EPHA3: variants seen among roughly 807,000 people sequenced by gnomAD.
The protein encoded by EPHA3 is EPH receptor A3.
A neutral mutation model predicts 107.1 loss-of-function variants in EPHA3; 42 were observed. The ratio of observed to expected loss-of-function variants is 0.39; its 90% CI spans 0.31 to 0.51. EPHA3 has a LOEUF of 0.51. Ranked by LOEUF, EPHA3 falls within the 20% of genes least tolerant of loss-of-function variation. EPHA3 has a pLI of 0.78. For missense variants in EPHA3, 1,183 were observed against 1,211.2 expected (o/e 0.98, Z 0.35); for synonymous variants, 461 against 424.8 (o/e 1.09, Z -1.05).
chr3:89,432,347 A>AT (rs1446194991), intron 13 of EPHA3, among the ~76,000 whole-genome samples: 3 of 152,072 alleles, frequency 2.0e-5, no homozygotes, highest in South Asian at 2.1e-4. Context: ...ATGCATTTGA[A>AT]TTTTTTGTGA....
intron 13 of EPHA3, among the ~76,000 whole-genome samples, chr3:89,445,434 A>G (rs1709860530): frequency 6.6e-6 from 1 of 152,224 alleles, no homozygotes; most frequent in Non-Finnish European, 1.5e-5. Flanking sequence ...TTCTAAGTAT[A>G]TAAGCTCAAT....
intron 16 of EPHA3, among the ~76,000 whole-genome samples, chr3:89,476,861 G>T (rs1324159808): frequency 6.6e-6 from 1 of 151,900 alleles, no homozygotes; most frequent in East Asian, 1.9e-4. Context: ...ACCCGCCTCG[G>T]CCTCCCAAAG....
intron 3 of EPHA3, among the ~76,000 whole-genome samples, chr3:89,249,939 A>C (rs1553671927): frequency 6.6e-6 from 1 of 152,182 alleles, no homozygotes; most frequent in Non-Finnish European, 1.5e-5. Context: ...TAGATACACA[A>C]TTAATATCTT....
chr3:89,132,027 A>T (rs2106989057), intron 2 of EPHA3, among the ~76,000 whole-genome samples: 1 of 152,270 alleles, frequency 6.6e-6, no homozygotes, highest in Admixed American at 6.5e-5. Context: ...TGTTGCAGGG[A>T]TTGGTTGAAG....
At chr3:89,160,942 G>T (rs574910523) in intron 2 of EPHA3, among the ~76,000 whole-genome samples, 1 of 152,138 alleles carries the variant, frequency 6.6e-6, no homozygotes, top group South Asian at 2.1e-4. Context: ...GCTTATGTTG[G>T]TTATGTGTGT....
intron 13 of EPHA3, among the ~76,000 whole-genome samples, chr3:89,433,948 A>C (rs1454391445): frequency 6.6e-6 from 1 of 152,176 alleles, no homozygotes; most frequent in African/African-American, 2.4e-5. Context: ...GTGATACTTA[A>C]CAGTCTTAGG....
intron 15 of EPHA3, among the ~76,000 whole-genome samples, chr3:89,453,294 G>A (rs1364185734): frequency 6.6e-6 from 1 of 151,684 alleles, no homozygotes; most frequent in Admixed American, 6.6e-5. Context: ...TAATGTAGGG[G>A]TATCTAATAC....
intron 3 of EPHA3, among the ~76,000 whole-genome samples, chr3:89,274,798 A>T (rs1164842458): frequency 6.6e-6 from 1 of 151,980 alleles, no homozygotes; most frequent in East Asian, 1.9e-4. Context: ...TAACCAAAAA[A>T]TTTTAAGAAG....
At chr3:89,175,372 C>T (rs1186813956) in intron 2 of EPHA3, among the ~76,000 whole-genome samples, 2 of 151,934 alleles carry the variant, frequency 1.3e-5, no homozygotes, top group African/African-American at 4.8e-5. Context: ...TTGCAAGATC[C>T]TTTCTAACTA....
intron 2 of EPHA3, among the ~76,000 whole-genome samples, chr3:89,208,118 A>T (rs1176020275): frequency 6.6e-6 from 1 of 152,104 alleles, no homozygotes; most frequent in East Asian, 1.9e-4. Context: ...TCATGCCTAT[A>T]ATCCCAGCAC....
chr3:89,107,829 C>T lies in EPHA3; in HGVS notation c.81C>T (p.Ser27=). The T allele has an allele frequency of 6.2e-7, 1 of 1,614,076 alleles. No individual in the cohort carries two copies. The highest frequency in any genetic ancestry group is 1.1e-5 in the South Asian group (1 of 91,074). ...DSFGELIPQP[S]NEVNLLDSKT... ...TCGGGGAACTGATTCCGCAGCCTTC[C>T]AATGAAGGTAAGCCAGGTACCGCGA... Residue 27 remains serine (S), a synonymous_variant, in exon 1 of 17, where the codon TCC becomes TCT. Coordinates refer to ENST00000336596, the MANE Select transcript of EPHA3 (RefSeq NM_005233.6).
At chr3:89,228,517 G>T (rs1478816124) in intron 3 of EPHA3, among the ~76,000 whole-genome samples, 1 of 151,884 alleles carries the variant, frequency 6.6e-6, no homozygotes, top group Non-Finnish European at 1.5e-5. Context: ...TAAAAATTTT[G>T]TGTGTAGAAT....
At chr3:89,159,800 AC>A (rs1704889356) in intron 2 of EPHA3, among the ~76,000 whole-genome samples, 1 of 152,072 alleles carries the variant, frequency 6.6e-6, no homozygotes. Flanking sequence ...CTGTAATGAA[AC>A]ATCTTAGCTT....
intron 16 of EPHA3, among the ~76,000 whole-genome samples, chr3:89,474,759 C>T (rs1181689823): frequency 2.0e-5 from 3 of 152,208 alleles, no homozygotes; most frequent in African/African-American, 2.4e-5. Context: ...AAGTGAATGA[C>T]AGCATTTGTC....
chr3:89,317,144 G>A (rs1033033635), intron 3 of EPHA3, among the ~76,000 whole-genome samples: 2 of 151,838 alleles, frequency 1.3e-5, no homozygotes, highest in Non-Finnish European at 1.5e-5. Context: ...AAGGAAAAAT[G>A]TTGCAACATG....
In EPHA3 at chr3:89,352,902, C is replaced by CAAAA. The variant is rs1215369952; in HGVS notation, c.1306+10830_1306+10833dup. 4.8e-3 allele frequency among the ~76,000 whole-genome samples: 197 copies of CAAAA among 40,966 alleles called. 4 individuals are homozygous for CAAAA. The highest frequency in any genetic ancestry group is 0.013 in the African/African-American group (135 of 10,170). The allele number at this position is 40,966 out of a possible 152,430, so 26.9% of individuals were successfully genotyped here. A position where few individuals can be genotyped will look rare whatever the true frequency, so the allele number is the denominator to read the frequency against. On this transcript the variant is annotated intron_variant, in intron 5 of 16. Transcript: ENST00000336596. ...TGGGCGACAGAGCAAGACTCTGTCT[C>CAAAA]AAAAAAAAAAAAAAAAAAAAAGGAA... is the stretch of plus-strand genomic sequence containing the variant.
At chr3:89,126,172 A>AT (rs1234806871) in intron 1 of EPHA3, among the ~76,000 whole-genome samples, 1 of 151,612 alleles carries the variant, frequency 6.6e-6, no homozygotes, top group African/African-American at 2.4e-5. Context: ...TATTGTATTT[A>AT]TTGATTTTCA....
At chr3:89,359,833 A>ATATACATATATATACATATATATACT (rs1708055383) in intron 5 of EPHA3, among the ~76,000 whole-genome samples, 1 of 140,126 alleles carries the variant, frequency 7.1e-6, no homozygotes, top group Non-Finnish European at 1.6e-5. Flanking sequence ...ATATATATAT[A>ATATACATATATATACATATATATACT]CATATATATA....
At chr3:89,335,950 C>T (rs1274073953) in intron 3 of EPHA3, among the ~76,000 whole-genome samples, 2 of 152,112 alleles carry the variant, frequency 1.3e-5, no homozygotes, top group Non-Finnish European at 2.9e-5. Context: ...TGTGTATCTG[C>T]CTTAGTTAAG....
Sources: allele counts gnomAD v4.1 joint callset (sites outside exome capture counted in the v4.1 genomes callset), GRCh38; gene constraint gnomAD v4.1.1; transcripts MANE v1.5; gene names NCBI Gene and HGNC (gene_info 2026-07-23, HGNC 2026-07-21).